NBEA: variants seen among roughly 807,000 people sequenced by gnomAD.
NBEA encodes neurobeachin.
Under a neutral mutation model 343.4 loss-of-function variants are expected in NBEA, and 44 were observed. The observed-to-expected ratio is 0.13, with a 90% CI of 0.10 to 0.16. The LOEUF is 0.16. Among genes scored for constraint, NBEA ranks in the 10% least tolerant of loss-of-function variants. The pLI, the probability that NBEA is intolerant of heterozygous loss-of-function variation, is 1.00. For missense variants in NBEA, 2,555 were observed against 3,631.3 expected, an observed-to-expected ratio of 0.70 and a Z score of 7.62; for synonymous variants, 1,175 against 1,238.7, an observed-to-expected ratio of 0.95 and a Z score of 1.08.
At chr13:35,645,656 C>T (rs555899995) in intron 49 of NBEA, among the ~76,000 whole-genome samples, 6 of 152,072 alleles carry the variant, frequency 3.9e-5, no homozygotes, top group Non-Finnish European at 7.4e-5. Flanking sequence ...GAATTTATAC[C>T]TTAAAAATAA....
intron 56 of NBEA, 60 bp downstream of exon 56, chr13:35,665,246 C>A: frequency 1.5e-6 from 2 of 1,328,896 alleles, no homozygotes; most frequent in Non-Finnish European, 2.1e-6. Context: ...TCACACTAAG[C>A]GTGATTGTCA....
intron 44 of NBEA, among the ~76,000 whole-genome samples, chr13:35,565,194 C>G (rs1484407333): frequency 1.3e-5 from 2 of 152,294 alleles, no homozygotes; most frequent in African/African-American, 4.8e-5. Flanking sequence ...ATTACATACC[C>G]ACACCTATAT....
intron 40 of NBEA, 141 bp from the exon 41 acceptor site, chr13:35,472,259 G>A (rs1169681097): frequency 2.5e-6 from 2 of 795,896 alleles, no homozygotes; most frequent in South Asian, 2.1e-5. Context: ...CTTATCTTAC[G>A]TGAAAAAAGA....
intron 45 of NBEA, 95 bp from the exon 46 acceptor site, chr13:35,583,803 A>ATGAAT (rs1593288979): frequency 1.1e-6 from 1 of 903,546 alleles, no homozygotes; most frequent in East Asian, 2.7e-5. Flanking sequence ...TATGGCTAAA[A>ATGAAT]TGAATTAACA....
Position 35,605,198 on chromosome 13 carries a change from T to C in NBEA, c.7297-1228T>C, listed in dbSNP as rs559921253. Among the ~76,000 whole-genome samples, 5 of 152,304 alleles carry C rather than the reference T, an allele frequency of 3.3e-5. No homozygotes were observed. In the East Asian group the frequency reaches 7.7e-4, roughly 23 times the overall value. On this transcript the variant is annotated intron_variant, in intron 47 of 58. Coordinates refer to ENST00000379939, the MANE Select transcript of NBEA (RefSeq NM_001385012.1). ...TCCAGAAAAATCATTTATATGGACC[T>C]GTTGATGCACCCATAATGCTGGAGA...
At chr13:35,023,644 A>T (rs1473525180) in intron 1 of NBEA, among the ~76,000 whole-genome samples, 2 of 152,174 alleles carry the variant, frequency 1.3e-5, no homozygotes, top group Non-Finnish European at 2.9e-5. Flanking sequence ...GTATGTAAAT[A>T]TAGTTACCTA....
intron 48 of NBEA, among the ~76,000 whole-genome samples, chr13:35,615,916 C>T (rs924516940): frequency 2.0e-5 from 3 of 152,136 alleles, no homozygotes; most frequent in Admixed American, 1.3e-4. Context: ...CCACCCTTAC[C>T]CGTAAGGCTT....
intron 17 of NBEA, among the ~76,000 whole-genome samples, chr13:35,126,444 A>G (rs997233187): frequency 2.0e-5 from 3 of 152,196 alleles, no homozygotes; most frequent in African/African-American, 7.2e-5. Context: ...ATACTGGAAG[A>G]AAATAACTAT....
intron 34 of NBEA, among the ~76,000 whole-genome samples, chr13:35,239,577 T>C (rs768387803): frequency 2.0e-5 from 3 of 152,102 alleles, no homozygotes; most frequent in Non-Finnish European, 4.4e-5. Context: ...GATCCAGATA[T>C]AAAATAGGAG....
At chr13:35,669,813 T>C (rs2085523996) in intron 58 of NBEA, among the ~76,000 whole-genome samples, 1 of 152,036 alleles carries the variant, frequency 6.6e-6, no homozygotes, top group African/African-American at 2.4e-5. Flanking sequence ...TCATAATCAT[T>C]GCATATGAGG....
At chr13:35,460,277 A>G (rs891829576) in intron 40 of NBEA, among the ~76,000 whole-genome samples, 8 of 152,164 alleles carry the variant, frequency 5.3e-5, no homozygotes, top group Admixed American at 5.2e-4. Context: ...AGTGAAAGCT[A>G]TTTGATGTTC....
intron 48 of NBEA, among the ~76,000 whole-genome samples, chr13:35,620,975 A>C (rs2082961734): frequency 6.6e-6 from 1 of 152,166 alleles, no homozygotes; most frequent in Non-Finnish European, 1.5e-5. Context: ...AGCTAAAATG[A>C]AAGCGTGGGT....
At chr13:35,209,872 T>G (rs1257617603) in intron 32 of NBEA, among the ~76,000 whole-genome samples, 1 of 152,092 alleles carries the variant, frequency 6.6e-6, no homozygotes, top group Non-Finnish European at 1.5e-5. Context: ...TTAATGGCAT[T>G]GTGTCAAAGA....
At chr13:35,655,484 A>G (rs2084773229) in intron 54 of NBEA, 95 bp from the exon 55 acceptor site, 3 of 1,261,090 alleles carry the variant, frequency 2.4e-6, no homozygotes, top group Admixed American at 2.4e-5. Flanking sequence ...AATTAAAAAT[A>G]TGGTAAAATT....
At chr13:35,079,216 A>G (rs1306951414) in intron 10 of NBEA, among the ~76,000 whole-genome samples, 1 of 152,202 alleles carries the variant, frequency 6.6e-6, no homozygotes, top group Non-Finnish European at 1.5e-5. Flanking sequence ...TCTGATATAA[A>G]ATCAGGTGTG....
chr13:34,950,947 T>C (rs974767380), intron 1 of NBEA, among the ~76,000 whole-genome samples: 32 of 152,248 alleles, frequency 2.1e-4, no homozygotes, highest in African/African-American at 7.7e-4. Flanking sequence ...ATCACGTCAC[T>C]GCATTCCAGC....
chr13:35,349,679 G>A lies in NBEA; in HGVS notation c.6012+463G>A, dbSNP rs112830654. ...TCCATTTACAAGACAAAATAGGTCC[G>A]AGAAATATTTATGTGCCCTGCTGTT... On this transcript the variant is annotated intron_variant, in intron 37 of 58. Coordinates refer to ENST00000379939, the MANE Select transcript of NBEA (RefSeq NM_001385012.1). Among the ~76,000 whole-genome samples, 782 of 152,040 alleles carry A rather than the reference G, an allele frequency of 5.1e-3. 3 individuals carry two copies. The highest frequency in any genetic ancestry group is 0.012 in the South Asian group (57 of 4,814).
chr13:35,620,866 CA>C (rs1212748559), intron 48 of NBEA, among the ~76,000 whole-genome samples: 3 of 152,126 alleles, frequency 2.0e-5, no homozygotes, highest in Non-Finnish European at 4.4e-5. Context: ...TCTAGTCTTA[CA>C]GAGGCAGGTG....
chr13:35,232,881 A>G (rs1167657027), intron 34 of NBEA, among the ~76,000 whole-genome samples: 1 of 152,074 alleles, frequency 6.6e-6, no homozygotes, highest in Non-Finnish European at 1.5e-5. Flanking sequence ...TCTTTAATCC[A>G]TCTATCAGGG....
Sources: gnomAD v4.1 joint callset for allele counts (sites outside exome capture counted in the v4.1 genomes callset) on GRCh38, gnomAD v4.1.1 for gene constraint, MANE v1.5 for transcripts, NCBI Gene and HGNC (gene_info 2026-07-23, HGNC 2026-07-21) for gene names.